Variants in IL16 observed in about 807,000 individuals in gnomAD.
IL16 encodes the protein interleukin 16.
IL16 carries 67 observed loss-of-function variants against 110.1 expected under a neutral mutation model. The ratio of observed to expected loss-of-function variants is 0.61; its 90% CI spans 0.50 to 0.75. The LOEUF (loss-of-function observed/expected upper bound fraction) is 0.75, where lower values mean the gene tolerates loss of function less well. Among genes scored for constraint, IL16 ranks in the 30% least tolerant of loss-of-function variants. The pLI is 0.00. For synonymous variants in IL16, 689 were observed against 662.9 expected (o/e 1.04, Z -0.61); for missense variants, 1,545 against 1,655.0 (o/e 0.93, Z 1.15).
At chr15:81,204,329 A>G (rs947714410) in intron 1 of IL16, among the ~76,000 whole-genome samples, 7 of 151,882 alleles carry the variant, frequency 4.6e-5, no homozygotes, top group Non-Finnish European at 1.0e-4. Flanking sequence ...TCTCCTGCCT[A>G]ATTGCCCTGG....
chr15:81,303,530 G>A lies in IL16; in HGVS notation c.3319-19G>A, dbSNP rs56343981. 48 of 1,501,026 alleles carry A rather than the reference G, an allele frequency of 3.2e-5. No individual in the cohort carries two copies. Among genetic ancestry groups the A allele is most frequent in the African/African-American group, 8.2e-5 (6 of 72,856 alleles). The allele number at this position is 1,501,026 out of a possible 1,614,324, so 93.0% of individuals were successfully genotyped here. A position where few individuals can be genotyped will look rare whatever the true frequency, so the allele number is the denominator to read the frequency against. On this transcript the variant is annotated intron_variant, in intron 15 of 18. Transcript: ENST00000683961. The surrounding 1 kb of genome is among the most constrained non-coding windows in gnomAD (Gnocchi z 4.1). ...CTCTTGCAGTAAAATGTTTTTGAAT[G>A]TATGTATTTCCTCTGCAGCAATTAG...
intron 3 of IL16, among the ~76,000 whole-genome samples, chr15:81,262,926 C>A (rs1014897241): frequency 6.6e-6 from 1 of 152,110 alleles, no homozygotes; most frequent in African/African-American, 2.4e-5. Flanking sequence ...AGTGAAACTC[C>A]ATTTTAAAAA....
intron 2 of IL16, among the ~76,000 whole-genome samples, chr15:81,232,069 T>G (rs1281912945): frequency 8.4e-6 from 1 of 119,562 alleles, no homozygotes; most frequent in Non-Finnish European, 1.9e-5. Flanking sequence ...TTTTTTTTCT[T>G]TTTTTTTTCA....
At chr15:81,211,593 G>A (rs1489768801) in intron 1 of IL16, among the ~76,000 whole-genome samples, 2 of 152,162 alleles carry the variant, frequency 1.3e-5, no homozygotes, top group Non-Finnish European at 2.9e-5. Context: ...TCACTATGTT[G>A]TCTTGGCTGG....
At chr15:81,274,533 C>T (rs1349580664) in intron 6 of IL16, among the ~76,000 whole-genome samples, 2 of 152,172 alleles carry the variant, frequency 1.3e-5, no homozygotes, top group African/African-American at 4.8e-5. Flanking sequence ...GGATCATATA[C>T]AATGGAACCA....
intron 1 of IL16, among the ~76,000 whole-genome samples, chr15:81,220,425 G>T (rs1166140612): frequency 6.6e-6 from 1 of 152,170 alleles, no homozygotes; most frequent in African/African-American, 2.4e-5. Flanking sequence ...AAAGTGTTGG[G>T]ATTACAGGCT....
chr15:81,305,907 G>C lies in IL16; in HGVS notation c.3421-1G>C, dbSNP rs1367742946. On this transcript the variant is annotated splice_acceptor_variant, in intron 16 of 18. Transcript: ENST00000683961. LOFTEE classifies it high-confidence loss of function. The stretch of plus-strand genomic sequence containing the variant: ...GTCCTGACTTCCTTTGGTTTGCTCA[G>C]GTTCACAGAGTGTTTCCAAATGGGC... The C allele has an allele frequency of 1.9e-6, 3 of 1,613,964 alleles. No individual in the cohort carries two copies. Among genetic ancestry groups the C allele is most frequent in the East Asian group, 2.2e-5 (1 of 44,888 alleles).
At chr15:81,279,501 T>G in intron 7 of IL16, 57 bp from the exon 8 acceptor site, 1 of 1,267,094 alleles carries the variant, frequency 7.9e-7, no homozygotes, top group Non-Finnish European at 1.1e-6. Flanking sequence ...TAAACAGTAT[T>G]TCTTCATCTC....
At chr15:81,198,926 A>G (rs933753729) in intron 1 of IL16, among the ~76,000 whole-genome samples, 2 of 150,534 alleles carry the variant, frequency 1.3e-5, no homozygotes, top group Admixed American at 1.3e-4. Flanking sequence ...AGGCTGAGGC[A>G]GGAGAATTGC....
rs1302971058 is a variant in IL16, at chr15:81,220,221, AC to A, written c.-101-5076del. On this transcript the variant is annotated intron_variant, in intron 1 of 18. Coordinates refer to ENST00000683961, the MANE Select transcript of IL16 (RefSeq NM_172217.5). ...GTGATTTCGGCTCACTGCAGCCTCC[AC>A]CTCCCAGGCTCAAGCAATCTCTCCA... Among the ~76,000 whole-genome samples, 3 of 152,100 alleles carry A rather than the reference AC, an allele frequency of 2.0e-5. No individual in the cohort carries two copies. In the East Asian group the frequency reaches 5.8e-4, roughly 29 times the overall value.
chr15:81,260,189 T>C (rs2142188508), intron 3 of IL16, among the ~76,000 whole-genome samples: 1 of 152,282 alleles, frequency 6.6e-6, no homozygotes, highest in South Asian at 2.1e-4. Flanking sequence ...AGCTGCAATA[T>C]GATGGAAGTT....
intron 2 of IL16, among the ~76,000 whole-genome samples, chr15:81,257,441 A>G (rs1897986884): frequency 6.6e-6 from 1 of 152,230 alleles, no homozygotes; most frequent in African/African-American, 2.4e-5. Context: ...ACAGGAAACC[A>G]TGGAAAGGGG....
chr15:81,278,471 G>A (rs1328493221), intron 6 of IL16, among the ~76,000 whole-genome samples: 3 of 152,178 alleles, frequency 2.0e-5, no homozygotes, highest in African/African-American at 4.8e-5. Context: ...AATGCAGGTC[G>A]TGTTGCATCA....
intron 18 of IL16, chr15:81,306,929 A>C (rs1218691811): frequency 6.4e-6 from 2 of 312,842 alleles, no homozygotes; most frequent in Admixed American, 4.7e-5. Flanking sequence ...ATTAATTTTA[A>C]AAAAACATGT....
At chr15:81,206,366 C>T (rs571813767) in intron 1 of IL16, among the ~76,000 whole-genome samples, 1 of 152,270 alleles carries the variant, frequency 6.6e-6, no homozygotes, top group East Asian at 1.9e-4. Flanking sequence ...TGTATCTGAA[C>T]ATTTGTAACA....
chr15:81,190,041 G>A (rs1208062502), intron 1 of IL16, among the ~76,000 whole-genome samples: 1 of 152,142 alleles, frequency 6.6e-6, no homozygotes, highest in African/African-American at 2.4e-5. Context: ...CTGAAGCCAC[G>A]CAGGCCAGGG....
chr15:81,228,274 A>G (rs183170536), intron 2 of IL16, among the ~76,000 whole-genome samples: 99 of 151,912 alleles, frequency 6.5e-4, no homozygotes, highest in Admixed American at 5.2e-3. Flanking sequence ...GGCAGGGGAA[A>G]GAACAAACTT....
intron 2 of IL16, among the ~76,000 whole-genome samples, chr15:81,232,042 G>GTTTTTTTTTTTTTTTTTTTTTTTTT: frequency 1.7e-5 from 1 of 57,692 alleles, no homozygotes; most frequent in Non-Finnish European, 3.3e-5. Context: ...ATTTGTTCTT[G>GTTTTTTTTTTTTTTTTTTTTTTTTT]TTTTTTTTTT....
Position 81,305,937 on chromosome 15 carries a change from C to A in IL16, c.3450C>A (p.Ala1150=). ...TVHRVFPNGL[A]SQEGTIQKGN... is the part of the protein sequence containing the mutation. ...ACAGAGTGTTTCCAAATGGGCTGGC[C>A]TCCCAGGAAGGGACTATTCAGAAGG... is the stretch of plus-strand genomic sequence containing the variant. Residue 1150 remains alanine, a synonymous_variant, in exon 17 of 19, where the codon GCC becomes GCA. Coordinates refer to ENST00000683961, the MANE Select transcript of IL16 (RefSeq NM_172217.5). The A allele has an allele frequency of 1.9e-6, 3 of 1,614,184 alleles. No homozygotes were observed. The highest frequency in any genetic ancestry group is 1.3e-5 in the African/African-American group (1 of 75,038).
Sources: gnomAD v4.1 joint callset for allele counts (sites outside exome capture counted in the v4.1 genomes callset) on GRCh38, gnomAD v4.1.1 for gene constraint, Gnocchi (gnomAD v3.1) non-coding constraint, MANE v1.5 for transcripts, NCBI Gene and HGNC (gene_info 2026-07-23, HGNC 2026-07-21) for gene names.